Variants in HECW1 observed in about 807,000 individuals in gnomAD.
The protein encoded by HECW1 is E3 ubiquitin-protein ligase HECW1.
Under a neutral mutation model 182.3 loss-of-function variants are expected in HECW1, and 61 were observed. That is an observed-to-expected ratio of 0.33 (90% confidence interval 0.27 to 0.41). The LOEUF (loss-of-function observed/expected upper bound fraction) is 0.41. Ranked by LOEUF, HECW1 falls within the 10% of genes least tolerant of loss-of-function variation. The probability of loss-of-function intolerance (pLI) is 1.00; values close to 1 mark genes in which losing one functional copy is unlikely to be tolerated. For missense variants in HECW1, 1,739 were observed against 2,108.9 expected, an observed-to-expected ratio of 0.82 and a Z score of 3.44; for synonymous variants, 859 against 832.6, an observed-to-expected ratio of 1.03 and a Z score of -0.55.
chr7:43,435,605 C>T (rs1199306221), intron 8 of HECW1, among the ~76,000 whole-genome samples: 1 of 152,124 alleles, frequency 6.6e-6, no homozygotes, highest in East Asian at 1.9e-4. Flanking sequence ...GTGTCTAGTT[C>T]TGAGGAGCTA....
intron 15 of HECW1, among the ~76,000 whole-genome samples, 184 bp from the exon 16 acceptor site, chr7:43,468,736 G>T (rs988809088): frequency 3.3e-5 from 5 of 152,116 alleles, no homozygotes; most frequent in Non-Finnish European, 7.4e-5. Context: ...AGCCCAGGCT[G>T]GTCTCGAATT....
At chr7:43,276,553 A>G (rs746435526) in intron 3 of HECW1, among the ~76,000 whole-genome samples, 14 of 152,240 alleles carry the variant, frequency 9.2e-5, no homozygotes, top group Non-Finnish European at 1.8e-4. Flanking sequence ...TTCCTGTGTC[A>G]TGTGGAATTC....
chr7:43,195,825 C>T (rs67075006), intron 2 of HECW1, among the ~76,000 whole-genome samples: 15,652 of 152,200 alleles, frequency 0.1, 893 homozygotes, highest in East Asian at 0.15. Context: ...GGGTGGAATA[C>T]TCATGAAAAT....
At chr7:43,460,737 C>T (rs1481826125) in intron 13 of HECW1, among the ~76,000 whole-genome samples, 1 of 152,172 alleles carries the variant, frequency 6.6e-6, no homozygotes, top group Non-Finnish European at 1.5e-5. Flanking sequence ...CTGTTTAAAG[C>T]TCGGGAGCCT....
chr7:43,525,697 G>A (rs1043103426), intron 24 of HECW1, among the ~76,000 whole-genome samples: 1 of 152,220 alleles, frequency 6.6e-6, no homozygotes, highest in African/African-American at 2.4e-5. Context: ...GGGGATGTTG[G>A]TGGAGATGTA....
At chr7:43,273,572 C>A (rs957949197) in intron 3 of HECW1, among the ~76,000 whole-genome samples, 6 of 151,816 alleles carry the variant, frequency 4.0e-5, no homozygotes, top group African/African-American at 1.5e-4. Flanking sequence ...ACCTCAATCC[C>A]TGATAGATTT....
At chr7:43,370,311 A>T (rs1040211807) in intron 6 of HECW1, among the ~76,000 whole-genome samples, 8 of 152,330 alleles carry the variant, frequency 5.3e-5, no homozygotes, top group South Asian at 4.1e-4. Flanking sequence ...GGTACCAAAG[A>T]TACCTATTAA....
chr7:43,135,118 C>A (rs1331048240), intron 2 of HECW1, among the ~76,000 whole-genome samples: 2 of 151,994 alleles, frequency 1.3e-5, no homozygotes, highest in Admixed American at 6.6e-5. Flanking sequence ...CTACCAATAT[C>A]TTCCCTCTCT....
intron 3 of HECW1, chr7:43,274,539 C>T (rs778525691): frequency 1.8e-6 from 1 of 563,518 alleles, no homozygotes. Context: ...ACAAGTGCCG[C>T]CGGGCCACGC....
chr7:43,351,188 G>A (rs1354838131), intron 5 of HECW1, among the ~76,000 whole-genome samples: 2 of 152,156 alleles, frequency 1.3e-5, no homozygotes, highest in Non-Finnish European at 2.9e-5. Context: ...GTTACTGGGG[G>A]TTATCTGCAC....
At chr7:43,302,599 G>A (rs903624000) in intron 3 of HECW1, among the ~76,000 whole-genome samples, 2 of 152,172 alleles carry the variant, frequency 1.3e-5, no homozygotes, top group Non-Finnish European at 2.9e-5. Flanking sequence ...CCTCACAAAT[G>A]CCCGGTACGG....
At chr7:43,497,464 C>T (rs905944357) in intron 19 of HECW1, among the ~76,000 whole-genome samples, 4 of 151,984 alleles carry the variant, frequency 2.6e-5, no homozygotes, top group Non-Finnish European at 5.9e-5. Context: ...TTTTTAGTGA[C>T]CACAGATGCA....
chr7:43,285,987 C>T (rs887085940), intron 3 of HECW1, among the ~76,000 whole-genome samples: 4 of 152,096 alleles, frequency 2.6e-5, no homozygotes, highest in Non-Finnish European at 4.4e-5. Flanking sequence ...TAGTTAGGGA[C>T]GTCTTAGTCT....
intron 3 of HECW1, among the ~76,000 whole-genome samples, chr7:43,264,757 T>G (rs1801581409): frequency 6.8e-6 from 1 of 147,846 alleles, no homozygotes; most frequent in African/African-American, 2.5e-5. Context: ...GGCAGGAGAA[T>G]GGCGTGAACC....
chr7:43,276,841 A>C (rs1013518133), intron 3 of HECW1, among the ~76,000 whole-genome samples: 1 of 152,210 alleles, frequency 6.6e-6, no homozygotes, highest in African/African-American at 2.4e-5. Flanking sequence ...TACTTTTCCT[A>C]AAGTGAAGTC....
intron 2 of HECW1, among the ~76,000 whole-genome samples, chr7:43,156,062 T>C (rs138528518): frequency 0.019 from 2,932 of 152,314 alleles, 91 homozygotes; most frequent in African/African-American, 0.067. Flanking sequence ...AACACTTAAC[T>C]GGGGGAAATA....
intron 2 of HECW1, among the ~76,000 whole-genome samples, chr7:43,160,320 T>A (rs1018703271): frequency 6.6e-6 from 1 of 152,248 alleles, no homozygotes; most frequent in African/African-American, 2.4e-5. Context: ...AAATACTTTT[T>A]TTCATTCTTT....
At position 43,340,012 on chromosome 7, in the gene HECW1, C is replaced by T. The variant is rs376418957; in HGVS notation, c.460+19270C>T. Among the ~76,000 whole-genome samples, 26 of 152,024 alleles carry T rather than the reference C, an allele frequency of 1.7e-4. 1 individual carries two copies. The highest frequency in any genetic ancestry group is 1.1e-3 in the Admixed American group (17 of 15,232). ...GAGATCTCCTGTGCTGTAACTCTCG[C>T]CCCATCTAGTGAGCCACCAGGAAAA... On this transcript the variant is annotated intron_variant, in intron 5 of 29. Transcript: ENST00000395891.
At chr7:43,138,975 A>G (rs1003034378) in intron 2 of HECW1, among the ~76,000 whole-genome samples, 1 of 152,024 alleles carries the variant, frequency 6.6e-6, no homozygotes, top group Non-Finnish European at 1.5e-5. Context: ...GTGCAGACAG[A>G]CTGGTTTTTT....
Sources: gnomAD v4.1 joint callset for allele counts (sites outside exome capture counted in the v4.1 genomes callset) on GRCh38, gnomAD v4.1.1 for gene constraint, MANE v1.5 for transcripts, NCBI Gene and HGNC (gene_info 2026-07-23, HGNC 2026-07-21) for gene names.